SLC2A13: variants seen among roughly 807,000 people sequenced by gnomAD.
SLC2A13 encodes proton myo-inositol cotransporter.
SLC2A13 carries 32 observed loss-of-function variants against 64.4 expected under a neutral mutation model. That is an observed-to-expected ratio of 0.50 (90% CI 0.37 to 0.67). The LOEUF (loss-of-function observed/expected upper bound fraction) is 0.67, where lower values mean the gene tolerates loss of function less well. Among genes scored for constraint, SLC2A13 ranks in the 30% least tolerant of loss-of-function variants. The pLI is 0.00. For synonymous variants in SLC2A13, 338 were observed against 327.1 expected (o/e 1.03, Z -0.36); for missense variants, 743 against 829.2 (o/e 0.90, Z 1.28).
intron 4 of SLC2A13, among the ~76,000 whole-genome samples, chr12:39,930,217 G>A (rs1247988912): frequency 4.0e-5 from 6 of 151,890 alleles, no homozygotes; most frequent in Non-Finnish European, 7.4e-5. Context: ...TGGTATAACT[G>A]TATGAGCCAT....
intron 4 of SLC2A13, among the ~76,000 whole-genome samples, chr12:39,918,362 CTTTT>C (rs5797644): frequency 4.1e-5 from 6 of 147,360 alleles, no homozygotes; most frequent in East Asian, 2.0e-4. Context: ...CAGAAGTTTC[CTTTT>C]TTTTTTTTTT....
intron 4 of SLC2A13, among the ~76,000 whole-genome samples, chr12:39,933,965 T>C (rs997202191): frequency 8.5e-5 from 13 of 152,164 alleles, no homozygotes; most frequent in Non-Finnish European, 1.6e-4. Flanking sequence ...TAATGCCAGA[T>C]AAAATAATAA....
At position 40,032,135 on chromosome 12, in the gene SLC2A13, G is replaced by A. The variant is rs1166197514; in HGVS notation, c.717-3626C>T. Among the ~76,000 whole-genome samples, 30 of 152,162 alleles carry A rather than the reference G, an allele frequency of 2.0e-4. 1 individual carries two copies. The highest frequency in any genetic ancestry group is 2.0e-3 in the Admixed American group (30 of 15,276). ...TTAATTGATCTGGACTCTGGGCCCA[G>A]GGAGTTGTTTTATTAAAAGCTCTCC... On this transcript the variant is annotated intron_variant, in intron 2 of 9. Coordinates refer to ENST00000280871, the MANE Select transcript of SLC2A13 (RefSeq NM_052885.4).
intron 3 of SLC2A13, among the ~76,000 whole-genome samples, chr12:39,968,387 T>A (rs140072955): frequency 1.4e-4 from 21 of 152,184 alleles, no homozygotes; most frequent in Non-Finnish European, 2.6e-4. Context: ...CCAAGATGCA[T>A]GGGGATTATG....
intron 4 of SLC2A13, among the ~76,000 whole-genome samples, chr12:39,925,886 A>G (rs974058255): frequency 3.3e-5 from 5 of 152,206 alleles, no homozygotes; most frequent in Admixed American, 3.3e-4. Flanking sequence ...ACAGAGCTTA[A>G]TATAAAATAA....
rs1281489362 is a variant in SLC2A13, at chr12:40,105,314, C to A, written c.495G>T (p.Leu165=). The A allele has an allele frequency of 2.5e-6, 4 of 1,601,474 alleles. No homozygotes were observed. Among genetic ancestry groups the A allele is most frequent in the Non-Finnish European group, 3.4e-6 (4 of 1,175,758 alleles). The part of the protein sequence containing the change: ...SALFTAGSAV[L]AAANNKETLL... ...GTGTCTCCTTGTTGTTGGCCGCAGC[C>A]AGCACCGCGGAGCCGGCGGTGAAGA... The change falls in exon 1 of 10, where the codon CTG becomes CTT. Residue 165 remains leucine, a synonymous_variant. Coordinates refer to ENST00000280871, the MANE Select transcript of SLC2A13 (RefSeq NM_052885.4). This position sits in a 1 kb window ranked among gnomAD's most constrained non-coding sequence, Gnocchi z 4.2.
intron 1 of SLC2A13, among the ~76,000 whole-genome samples, chr12:40,066,058 A>C (rs557892905): frequency 6.6e-6 from 1 of 152,344 alleles, no homozygotes; most frequent in East Asian, 1.9e-4. Context: ...CATTCAAAGC[A>C]ACTTAAGAAA....
chr12:39,756,352 A>T lies in SLC2A13; in HGVS notation c.*3674T>A, dbSNP rs1939968685. 6.6e-6 allele frequency: 1 copy of T among 151,892 alleles called. No homozygotes were observed. The highest frequency in any genetic ancestry group is 6.6e-5 in the Admixed American group (1 of 15,202). The allele number at this position is 151,892 out of a possible 1,614,324, so 9.4% of individuals were successfully genotyped here. A position where few individuals can be genotyped will look rare whatever the true frequency, so the allele number is the denominator to read the frequency against. On this transcript the variant is annotated 3_prime_UTR_variant, in exon 10 of 10. Transcript: ENST00000280871. ...AAAGGTCTTAATTTGGTAATTAAAA[A>T]CTTGTCACAACAAGTGAATAAAAGT...
intron 3 of SLC2A13, among the ~76,000 whole-genome samples, chr12:39,972,016 T>TATA (rs1565569175): frequency 3.4e-4 from 6 of 17,652 alleles, no homozygotes; most frequent in African/African-American, 6.7e-4. Flanking sequence ...ATATATATAT[T>TATA]TTTTTTTATA....
Position 39,871,874 on chromosome 12 carries a change from A to C in SLC2A13, c.1122T>G (p.Asn374Lys). 1 of 1,612,402 alleles carries C rather than the reference A, an allele frequency of 6.2e-7. No homozygotes were observed. Among genetic ancestry groups the C allele is most frequent in the Non-Finnish European group, 8.5e-7 (1 of 1,179,288 alleles). Residue 374 changes from asparagine (N) to lysine (K), a missense_variant, in exon 5 of 10, where the codon AAT (asparagine) becomes AAG (lysine). Transcript: ENST00000280871. ...AGACTCCCACAAGTGTGAAAATGAA[A>C]TTTGTGAAGGCTGTAACTGAAGCCA... ...IWLASVTAFT[N>K]FIFTLVGVWL... is the part of the protein sequence containing the mutation.
chr12:40,071,842 C>A (rs964147201), intron 1 of SLC2A13, among the ~76,000 whole-genome samples: 2 of 152,102 alleles, frequency 1.3e-5, no homozygotes, highest in Non-Finnish European at 2.9e-5. Context: ...CTGACTAAAG[C>A]TCTGCTTACT....
rs377718388 is a variant in SLC2A13 at position 39,871,791 on chromosome 12, C to T, written c.1198+7G>A. ...TTTATAATTGAATTCTTTATCCAGC[C>T]ACCTACCTGCTAAACTACCAAAGGT... is the stretch of plus-strand genomic sequence containing the variant. On this transcript the variant is annotated splice_region_variant and intron_variant, in intron 5 of 9. Coordinates refer to ENST00000280871, the MANE Select transcript of SLC2A13 (RefSeq NM_052885.4). 12 of 1,589,868 alleles carry T rather than the reference C, an allele frequency of 7.5e-6. No individual in the cohort carries two copies. In the African/African-American group the frequency reaches 1.5e-4, roughly 20 times the overall value.
intron 4 of SLC2A13, among the ~76,000 whole-genome samples, chr12:39,943,871 G>A (rs1385054686): frequency 6.6e-6 from 1 of 152,218 alleles, no homozygotes; most frequent in Non-Finnish European, 1.5e-5. Context: ...TAGGTTTCAA[G>A]TACAAAACTG....
intron 1 of SLC2A13, among the ~76,000 whole-genome samples, chr12:40,095,269 T>C (rs954243786): frequency 1.3e-5 from 2 of 152,234 alleles, no homozygotes; most frequent in Admixed American, 6.5e-5. Flanking sequence ...TGTTTTGTTA[T>C]GTGTGTGTCT....
chr12:39,895,373 C>T (rs1944719355), intron 4 of SLC2A13, among the ~76,000 whole-genome samples: 2 of 150,348 alleles, frequency 1.3e-5, no homozygotes, highest in African/African-American at 2.4e-5. Flanking sequence ...ACCTGTAGTC[C>T]CAGCTACTTG....
intron 4 of SLC2A13, among the ~76,000 whole-genome samples, chr12:39,936,660 T>G (rs186137295): frequency 5.1e-4 from 77 of 152,202 alleles, no homozygotes; most frequent in African/African-American, 1.9e-3. Flanking sequence ...CAAGAGATAT[T>G]AGGGATATAA....
Position 40,046,215 on chromosome 12 carries a change from A to T in SLC2A13, c.716+1836T>A, listed in dbSNP as rs908774643. ...AATGATTTGTTTGGGGTTCTTATCT[A>T]ATCAATGGTAAAAAACAGATTTGAA... is the stretch of plus-strand genomic sequence containing the variant. On this transcript the variant is annotated intron_variant, in intron 2 of 9. Coordinates refer to ENST00000280871, the MANE Select transcript of SLC2A13 (RefSeq NM_052885.4). 3.9e-5 allele frequency among the ~76,000 whole-genome samples: 6 copies of T among 152,190 alleles called. 1 individual carries two copies. Among genetic ancestry groups the T allele is most frequent in the Admixed American group, 1.3e-4 (2 of 15,272 alleles).
At chr12:39,824,646 C>T (rs987157960) in intron 7 of SLC2A13, among the ~76,000 whole-genome samples, 9 of 152,184 alleles carry the variant, frequency 5.9e-5, no homozygotes, top group African/African-American at 2.2e-4. Flanking sequence ...CACACTGCTA[C>T]TGCTAAGTGG....
chr12:40,025,084 TTTG>T (rs1291396000), intron 3 of SLC2A13, among the ~76,000 whole-genome samples: 1 of 152,232 alleles, frequency 6.6e-6, no homozygotes, highest in African/African-American at 2.4e-5. Context: ...ATACTGCCTT[TTTG>T]TTGTTGTTTT....
Sources: allele counts gnomAD v4.1 joint callset (sites outside exome capture counted in the v4.1 genomes callset), GRCh38; gene constraint gnomAD v4.1.1; non-coding constraint Gnocchi (gnomAD v3.1); transcripts MANE v1.5; gene names NCBI Gene and HGNC (gene_info 2026-07-23, HGNC 2026-07-21).